The following RIC1 variants were observed in gnomAD, a reference collection of about 807,000 sequenced individuals.
RIC1 encodes the protein guanine nucleotide exchange factor subunit RIC1.
A neutral mutation model predicts 169.0 loss-of-function variants in RIC1; 88 were observed. The observed-to-expected ratio is 0.52, with a 90% CI of 0.44 to 0.62. RIC1 has a LOEUF of 0.62. Among genes scored for constraint, RIC1 ranks in the 20% least tolerant of loss-of-function variants. RIC1 has a pLI of 0.00. For synonymous variants in RIC1, 790 were observed against 601.5 expected, an observed-to-expected ratio of 1.31 and a Z score of -4.59; for missense variants, 1,877 against 1,725.5, an observed-to-expected ratio of 1.09 and a Z score of -1.56.
chr9:5,713,235 C>A (rs1823039928), intron 3 of RIC1: 1 of 152,154 alleles, frequency 6.6e-6, no homozygotes, highest in South Asian at 2.1e-4. Context: ...ACTGGTCTAC[C>A]ATGCCATGTG....
chr9:5,756,894 G>C (rs1318330922), intron 16 of RIC1, among the ~76,000 whole-genome samples: 1 of 152,130 alleles, frequency 6.6e-6, no homozygotes, highest in Non-Finnish European at 1.5e-5. Context: ...CACACCTCTT[G>C]AGTTTTATTT....
intron 6 of RIC1, among the ~76,000 whole-genome samples, chr9:5,726,981 T>G (rs916518645): frequency 3.9e-5 from 6 of 152,224 alleles, no homozygotes; most frequent in Non-Finnish European, 8.8e-5. Context: ...CTGGCTGCCC[T>G]TAACATTTTT....
At chr9:5,737,183 C>T (rs1273275600) in intron 7 of RIC1, among the ~76,000 whole-genome samples, 1 of 152,086 alleles carries the variant, frequency 6.6e-6, no homozygotes, top group Non-Finnish European at 1.5e-5. Flanking sequence ...ATACCATGAG[C>T]AGAAATGAGA....
downstream of RIC1, among the ~76,000 whole-genome samples, chr9:5,777,146 T>G (rs970652617): frequency 6.6e-6 from 1 of 152,158 alleles, no homozygotes; most frequent in Non-Finnish European, 1.5e-5. Context: ...ATTAGCCATT[T>G]GTCTATTTTT....
intron 10 of RIC1, 33 bp from the exon 11 acceptor site, chr9:5,745,898 C>T (rs772946980): frequency 6.3e-7 from 1 of 1,584,704 alleles, no homozygotes; most frequent in Non-Finnish European, 8.6e-7. Flanking sequence ...TTTTATTGCT[C>T]TGACTTTTTT....
chr9:5,700,100 T>C (rs543949786), intron 3 of RIC1, among the ~76,000 whole-genome samples: 91 of 152,196 alleles, frequency 6.0e-4, no homozygotes, highest in Non-Finnish European at 1.1e-3. Context: ...CCACCAAGTT[T>C]CCTTCATTGA....
Position 5,775,155 on chromosome 9 carries a change from C to G in RIC1, c.*909C>G, listed in dbSNP as rs556376270. On this transcript the variant is annotated 3_prime_UTR_variant, in exon 26 of 26. Transcript: ENST00000414202. ...AAGTAACAGAAATGGTCACACTGAT[C>G]ATGAAATGCAGCAAGTTTTGTGCAA... 1 of 152,142 alleles carries G rather than the reference C, an allele frequency of 6.6e-6. No homozygotes were observed. Among genetic ancestry groups the G allele is most frequent in the Non-Finnish European group, 1.5e-5 (1 of 68,032 alleles). 9.4% of individuals were successfully genotyped at this position (152,142 alleles called of 1,614,324 possible). A position where few individuals can be genotyped will look rare whatever the true frequency, so the allele number is the denominator to read the frequency against.
intron 2 of RIC1, among the ~76,000 whole-genome samples, chr9:5,676,866 C>T (rs1464393576): frequency 6.6e-6 from 1 of 152,164 alleles, no homozygotes; most frequent in South Asian, 2.1e-4. Flanking sequence ...TGTCGTGAAT[C>T]AGTAATTCAT....
intron 2 of RIC1, among the ~76,000 whole-genome samples, chr9:5,685,401 C>G (rs1005554689): frequency 6.6e-6 from 1 of 151,566 alleles, no homozygotes. Flanking sequence ...GTAACCAAAA[C>G]AGCATGGTAC....
chr9:5,714,445 G>T (rs1448928997), intron 4 of RIC1, among the ~76,000 whole-genome samples: 1 of 152,154 alleles, frequency 6.6e-6, no homozygotes, highest in East Asian at 1.9e-4. Context: ...AAAGTGGCCA[G>T]AAATACCAGA....
At chr9:5,630,649 A>G (rs886619577) in intron 1 of RIC1, among the ~76,000 whole-genome samples, 1 of 152,230 alleles carries the variant, frequency 6.6e-6, no homozygotes, top group African/African-American at 2.4e-5. Context: ...TGGCTGATCT[A>G]ATTTTCAAAT....
chr9:5,755,979 A>T (rs1825986621), intron 15 of RIC1, among the ~76,000 whole-genome samples: 1 of 152,090 alleles, frequency 6.6e-6, no homozygotes, highest in South Asian at 2.1e-4. Context: ...AATATTTTAT[A>T]ATAGTACATT....
At chr9:5,639,878 T>C (rs1009665899) in intron 1 of RIC1, among the ~76,000 whole-genome samples, 8 of 152,226 alleles carry the variant, frequency 5.3e-5, no homozygotes, top group Non-Finnish European at 8.8e-5. Context: ...TTTGTCAGTA[T>C]TTATATAATT....
chr9:5,645,845 A>G (rs77291671), intron 1 of RIC1, among the ~76,000 whole-genome samples: 2,088 of 152,136 alleles, frequency 0.014, 58 homozygotes, highest in African/African-American at 0.047. Flanking sequence ...TATTGTGAAT[A>G]ATGCTGCTGT....
At chr9:5,711,711 G>C (rs1030719174) in intron 3 of RIC1, among the ~76,000 whole-genome samples, 1 of 152,100 alleles carries the variant, frequency 6.6e-6, no homozygotes, top group South Asian at 2.1e-4. Context: ...ATCTCCTAAT[G>C]CTATCCCTCC....
intron 1 of RIC1, among the ~76,000 whole-genome samples, chr9:5,631,046 A>G (rs1383019509): frequency 6.6e-6 from 1 of 152,248 alleles, no homozygotes; most frequent in Non-Finnish European, 1.5e-5. Flanking sequence ...AATAAAAGTA[A>G]ACAATATGAC....
At chr9:5,682,719 G>A (rs540263892) in intron 2 of RIC1, among the ~76,000 whole-genome samples, 2 of 152,206 alleles carry the variant, frequency 1.3e-5, no homozygotes, top group South Asian at 4.2e-4. Context: ...TTGCTAGATT[G>A]GGGAAGTTCT....
intron 2 of RIC1, among the ~76,000 whole-genome samples, chr9:5,686,627 TGGGGTGG>T (rs1821248693): frequency 1.5e-5 from 1 of 64,960 alleles, no homozygotes; most frequent in South Asian, 5.5e-4. Context: ...GGGACTGTGG[TGGGGTGG>T]GGGGAGGGGG....
chr9:5,669,159 C>T (rs556794294), intron 2 of RIC1, among the ~76,000 whole-genome samples: 1 of 152,256 alleles, frequency 6.6e-6, no homozygotes, highest in African/African-American at 2.4e-5. Context: ...TTTGTTTTCT[C>T]TGTTGCCAGC....
Sources: allele counts gnomAD v4.1 joint callset (sites outside exome capture counted in the v4.1 genomes callset), GRCh38; gene constraint gnomAD v4.1.1; transcripts MANE v1.5; gene names NCBI Gene and HGNC (gene_info 2026-07-23, HGNC 2026-07-21).